Variants in ZBTB49 observed in about 807,000 individuals in gnomAD.
ZBTB49 encodes zinc finger and BTB domain containing 49.
Under a neutral mutation model 57.5 loss-of-function variants are expected in ZBTB49, and 43 were observed. That is an observed-to-expected ratio of 0.75 (90% CI 0.59 to 0.97). The LOEUF (loss-of-function observed/expected upper bound fraction) is 0.97. Among genes scored for constraint, ZBTB49 ranks in the 50% least tolerant of loss-of-function variants. ZBTB49 has a pLI of 0.00. For missense variants in ZBTB49, 938 were observed against 947.7 expected (o/e 0.99, Z 0.13); for synonymous variants, 369 against 362.1 (o/e 1.02, Z -0.22).
intron 1 of ZBTB49, among the ~76,000 whole-genome samples, chr4:4,291,831 T>A (rs1719943136): frequency 6.6e-6 from 1 of 152,218 alleles, no homozygotes; most frequent in Admixed American, 6.5e-5. Flanking sequence ...CTTCCTCCAT[T>A]TAATAACTTT....
At chr4:4,304,481 G>T (rs111655906) in intron 3 of ZBTB49, among the ~76,000 whole-genome samples, 2,503 of 152,182 alleles carry the variant, frequency 0.016, 55 homozygotes, top group African/African-American at 0.057. Context: ...GCCTCCCAAA[G>T]TGCTGGGATT....
intron 7 of ZBTB49, among the ~76,000 whole-genome samples, chr4:4,316,970 C>G (rs749443): frequency 0.067 from 10,208 of 152,212 alleles, 882 homozygotes; most frequent in East Asian, 0.33. Flanking sequence ...CCCAGGAGGC[C>G]GAGGCTGCAG....
chr4:4,318,461 C>G (rs770038972), intron 7 of ZBTB49, among the ~76,000 whole-genome samples: 2 of 152,010 alleles, frequency 1.3e-5, no homozygotes, highest in East Asian at 3.9e-4. Context: ...ACTAAAAATA[C>G]CAAAATTAGC....
At chr4:4,317,518 C>T (rs908981154) in intron 7 of ZBTB49, among the ~76,000 whole-genome samples, 1 of 152,112 alleles carries the variant, frequency 6.6e-6, no homozygotes, top group Non-Finnish European at 1.5e-5. Context: ...TGCCACTCAT[C>T]TAGGTTCTGT....
intron 7 of ZBTB49, among the ~76,000 whole-genome samples, chr4:4,320,043 G>A (rs1283916803): frequency 6.6e-6 from 1 of 151,772 alleles, no homozygotes; most frequent in African/African-American, 2.4e-5. Flanking sequence ...CAGCCTGGGC[G>A]ATTTTTTTCT....
rs754078015 is a variant in ZBTB49, at chr4:4,302,216, G to C, written c.380G>C (p.Gly127Ala). The change falls in exon 3 of 8, where the codon GGC becomes GCC. Residue 127 changes from glycine (G) to alanine (A), a missense_variant. Transcript: ENST00000337872. Reference protein sequence around the residue: ...LKSATVVQPPGMPCNSTLSLQ... With the variant: ...LKSATVVQPPAMPCNSTLSLQ... The stretch of plus-strand genomic sequence containing the variant: ...TCAGCCACTGTAGTACAGCCACCTG[G>C]CATGCCTTGTAATAGTACATTGTCT... The C allele has an allele frequency of 1.9e-6, 3 of 1,614,230 alleles. No individual in the cohort carries two copies. In the South Asian group the frequency reaches 3.3e-5, roughly 18 times the overall value.
At chr4:4,311,352 G>A (rs1195661561) in intron 4 of ZBTB49, among the ~76,000 whole-genome samples, 2 of 152,206 alleles carry the variant, frequency 1.3e-5, no homozygotes, top group Non-Finnish European at 2.9e-5. Flanking sequence ...GTGCTATTCC[G>A]ATTATTATGC....
rs1236923485 is a variant in ZBTB49 at position 4,296,751 on chromosome 4, A to G, written c.-19-3176A>G. Among the ~76,000 whole-genome samples the G allele has an allele frequency of 5.3e-5, 8 of 152,330 alleles. No homozygotes were observed. The East Asian group carries it at 1.5e-3, about 29-fold the overall frequency. On this transcript the variant is annotated intron_variant, in intron 1 of 7. Transcript: ENST00000337872. ...TATGAAAGAGAGACCTGTGATGACT[A>G]GAGGAACCTAGGGGGAGGGCTTTGT...
intron 4 of ZBTB49, among the ~76,000 whole-genome samples, chr4:4,308,800 T>C (rs1262893547): frequency 6.6e-6 from 1 of 152,202 alleles, no homozygotes; most frequent in Non-Finnish European, 1.5e-5. Context: ...TTGGAACTGC[T>C]GACAGTTATC....
rs1560115841 is a variant in ZBTB49 at position 4,315,632 on chromosome 4, C to G, written c.1377-4C>G. 1.9e-6 allele frequency: 3 copies of G among 1,613,866 alleles called. No individual in the cohort carries two copies. Among genetic ancestry groups the G allele is most frequent in the South Asian group, 1.1e-5 (1 of 91,010 alleles). On this transcript the variant is annotated splice_polypyrimidine_tract_variant and splice_region_variant and intron_variant, in intron 5 of 7. Transcript: ENST00000337872. ...CTTAATTGAATTTTCAAATTACATT[C>G]TAGGTTTGCAGCCTCTGGCGACGTC... is the stretch of plus-strand genomic sequence containing the variant.
intron 4 of ZBTB49, among the ~76,000 whole-genome samples, chr4:4,307,353 AGCCTG>A (rs1720783150): frequency 6.6e-6 from 1 of 152,198 alleles, no homozygotes; most frequent in Non-Finnish European, 1.5e-5. Flanking sequence ...TCTTCCTGCC[AGCCTG>A]GCCTGGGGTT....
intron 4 of ZBTB49, 130 bp downstream of exon 4, chr4:4,306,314 A>G (rs183671669): frequency 1.2e-4 from 87 of 731,780 alleles, no homozygotes; most frequent in Admixed American, 9.5e-4. Context: ...AGACTTCAGA[A>G]TAAATTAGGA....
chr4:4,318,956 TC>T (rs566930703), intron 7 of ZBTB49, among the ~76,000 whole-genome samples: 279 of 147,690 alleles, frequency 1.9e-3, no homozygotes, highest in African/African-American at 6.6e-3. Flanking sequence ...AGTGGTGCGA[TC>T]ACAGCTCACT....
At chr4:4,314,224 C>T (rs1312074869) in intron 5 of ZBTB49, among the ~76,000 whole-genome samples, 16 of 152,244 alleles carry the variant, frequency 1.1e-4, no homozygotes, top group Admixed American at 1.0e-3. Context: ...TGTCATCTGC[C>T]GCTCCTTCCA....
Position 4,315,841 on chromosome 4 carries a change from A to G in ZBTB49, c.1492A>G (p.Lys498Glu). The G allele has an allele frequency of 1.2e-6, 2 of 1,614,248 alleles. No homozygotes were observed. The highest frequency in any genetic ancestry group is 1.7e-6 in the Non-Finnish European group (2 of 1,180,032). The stretch of plus-strand genomic sequence containing the variant: ...TAACTTCAGTAATTTGAAGGAGCAC[A>G]AAAAGACACACACGGCTGATAAAGT... ...FSNFSNLKEH[K>E]KTHTADKVFT... The change falls in exon 7 of 8, where the codon AAA (lysine) becomes GAA (glutamate). Residue 498 changes from lysine (K) to glutamate (E), a missense_variant. Physicochemically the swap from Lys to Glu is moderately conservative, Grantham distance 56. Around this residue, in one of 3 missense-constraint regions of ZBTB49, gnomAD observed 835 missense variants for 819.1 expected, o/e 1.02. Transcript: ENST00000337872.
chr4:4,314,246 G>A (rs1329438809), intron 5 of ZBTB49, among the ~76,000 whole-genome samples: 1 of 152,258 alleles, frequency 6.6e-6, no homozygotes, highest in Non-Finnish European at 1.5e-5. Context: ...ATGCCTGGGA[G>A]CATAGCCCTC....
intron 3 of ZBTB49, among the ~76,000 whole-genome samples, chr4:4,305,711 G>A (rs930181435): frequency 2.0e-5 from 3 of 152,200 alleles, no homozygotes; most frequent in South Asian, 4.1e-4. Context: ...TGTGTTTGGG[G>A]CTCTCTGTGC....
intron 7 of ZBTB49, among the ~76,000 whole-genome samples, chr4:4,316,472 G>A (rs1022445752): frequency 6.6e-6 from 1 of 152,192 alleles, no homozygotes; most frequent in African/African-American, 2.4e-5. Context: ...ATGAGGACAC[G>A]GAGGCTCAGG....
intron 1 of ZBTB49, among the ~76,000 whole-genome samples, chr4:4,298,362 CTTG>C (rs1207146144): frequency 2.6e-5 from 4 of 152,084 alleles, no homozygotes; most frequent in Admixed American, 6.5e-5. Context: ...TTCAGCCATG[CTTG>C]AGTACTGAGA....
Sources: gnomAD v4.1 joint callset for allele counts (sites outside exome capture counted in the v4.1 genomes callset) on GRCh38, gnomAD v4.1.1 for gene constraint, gnomAD v4.1.1 regional missense constraint, MANE v1.5 for transcripts, NCBI Gene and HGNC (gene_info 2026-07-23, HGNC 2026-07-21) for gene names.